The following METTL21A variants were observed in gnomAD, a reference collection of about 807,000 sequenced individuals.
METTL21A encodes the protein protein N-lysine methyltransferase METTL21A.
In METTL21A, 22 loss-of-function variants were observed where a neutral mutation model predicts 20.9. The ratio of observed to expected loss-of-function variants is 1.05; its 90% confidence interval spans 0.75 to 1.50. METTL21A has a LOEUF of 1.50. Among genes scored for constraint, METTL21A ranks in the 40% most tolerant of loss-of-function variants. The pLI, the probability that METTL21A is intolerant of heterozygous loss-of-function variation, is 0.00. For synonymous variants in METTL21A, 93 were observed against 102.0 expected (o/e 0.91, Z 0.53); for missense variants, 271 against 266.8 (o/e 1.02, Z -0.11).
At chr2:207,593,605 T>C (rs183434840) in intron 3 of METTL21A, among the ~76,000 whole-genome samples, 1 of 152,310 alleles carries the variant, frequency 6.6e-6, no homozygotes, top group Admixed American at 6.5e-5. Context: ...TCAATGGAAT[T>C]ACAATGTACT....
At chr2:207,588,327 T>G (rs377307767) in intron 3 of METTL21A, among the ~76,000 whole-genome samples, 6 of 152,226 alleles carry the variant, frequency 3.9e-5, no homozygotes, top group African/African-American at 1.4e-4. Context: ...CCCTTGCTCT[T>G]TTTTTCAAAA....
exon 4 of METTL21A, chr2:207,612,933 C>T: frequency 2.7e-6 from 3 of 1,131,710 alleles, no homozygotes; most frequent in Middle Eastern, 2.8e-4. Context: ...CCCCTGAGAA[C>T]CTTTGGCTTA....
downstream of METTL21A, chr2:207,609,574 A>C (rs1251761382): frequency 1.3e-5 from 2 of 152,208 alleles, no homozygotes; most frequent in Non-Finnish European, 2.9e-5. Flanking sequence ...ATGAGCAATT[A>C]CAAGTCCAAT....
chr2:207,624,917 T>C (rs1559137013), intron 1 of METTL21A, 145 bp downstream of exon 1: 1 of 152,246 alleles, frequency 6.6e-6, no homozygotes, highest in Non-Finnish European at 1.5e-5. Context: ...TGTTAGCGGT[T>C]TGATAAACCA....
At chr2:207,599,611 G>T (rs1371362789) in intron 3 of METTL21A, 1 of 199,400 alleles carries the variant, frequency 5.0e-6, no homozygotes, top group Non-Finnish European at 1.0e-5. Context: ...AATGTATCCT[G>T]TTGCTAAATC....
At position 207,586,086 on chromosome 2, in the gene METTL21A, A is replaced by G. The variant is rs564325530; in HGVS notation, c.260-3926T>C. On this transcript the variant is annotated intron_variant, in intron 3 of 3. Coordinates refer to the METTL21A transcript ENST00000425132. ...ACACTATTTTCAAACTCAAAAGTCA[A>G]AAACAAAGAAAAAATTCTTATGGAA... Among the ~76,000 whole-genome samples, 5 of 152,354 alleles carry G rather than the reference A, an allele frequency of 3.3e-5. No individual in the cohort carries two copies. The East Asian group carries it at 9.6e-4, about 29-fold the overall frequency.
chr2:207,602,558 T>C (rs1336767634), intron 3 of METTL21A: 1 of 211,150 alleles, frequency 4.7e-6, no homozygotes, highest in African/African-American at 2.3e-5. Context: ...AGAGTAAATC[T>C]GAGTTAGCTT....
At chr2:207,584,810 C>T (rs1214564203) in intron 3 of METTL21A, among the ~76,000 whole-genome samples, 17 of 152,164 alleles carry the variant, frequency 1.1e-4, no homozygotes, top group Non-Finnish European at 2.5e-4. Flanking sequence ...TTTTCAGAGA[C>T]CTTTTTTCCA....
chr2:207,585,511 A>G (rs950189313), intron 3 of METTL21A, among the ~76,000 whole-genome samples: 1 of 152,240 alleles, frequency 6.6e-6, no homozygotes, highest in Admixed American at 6.5e-5. Context: ...AGGACACAAG[A>G]AACATAAAAT....
intron 3 of METTL21A, among the ~76,000 whole-genome samples, chr2:207,604,018 GCAA>G (rs757802268): frequency 6.6e-6 from 1 of 152,110 alleles, no homozygotes; most frequent in African/African-American, 2.4e-5. Context: ...TTTATTTTCT[GCAA>G]CAACGATTAC....
intron 3 of METTL21A, among the ~76,000 whole-genome samples, chr2:207,592,849 G>A (rs562772753): frequency 2.0e-5 from 3 of 148,998 alleles, no homozygotes; most frequent in East Asian, 4.0e-4. Context: ...GGAGGTGGAG[G>A]TTGCAGTGAG....
intron 3 of METTL21A, among the ~76,000 whole-genome samples, chr2:207,584,033 T>A (rs1271352560): frequency 2.6e-5 from 4 of 152,234 alleles, no homozygotes; most frequent in Non-Finnish European, 5.9e-5. Flanking sequence ...CCCAGATAAT[T>A]CCATTTTATA....
chr2:207,623,550 T>A (rs1253180918), intron 2 of METTL21A, among the ~76,000 whole-genome samples: 1 of 152,144 alleles, frequency 6.6e-6, no homozygotes, highest in Non-Finnish European at 1.5e-5. Flanking sequence ...CAATACTCTG[T>A]GAAATAAAGA....
At chr2:207,614,247 T>G (rs2089383436) in intron 3 of METTL21A, among the ~76,000 whole-genome samples, 1 of 152,080 alleles carries the variant, frequency 6.6e-6, no homozygotes, top group Non-Finnish European at 1.5e-5. Flanking sequence ...CAAATAATTT[T>G]TTTTAATTAA....
downstream of METTL21A, among the ~76,000 whole-genome samples, chr2:207,608,943 G>A (rs946466120): frequency 6.6e-6 from 1 of 152,168 alleles, no homozygotes; most frequent in Non-Finnish European, 1.5e-5. Context: ...ATACCTAAGT[G>A]GGACTGGCTT....
exon 4 of METTL21A, chr2:207,581,814 T>G: frequency 1.4e-6 from 1 of 700,760 alleles, no homozygotes; most frequent in Non-Finnish European, 2.6e-6. Context: ...TTGGGTACCA[T>G]ATCGCATTTA....
chr2:207,582,883 T>A, intron 3 of METTL21A: 1 of 307,494 alleles, frequency 3.3e-6, no homozygotes, highest in South Asian at 2.7e-5. Context: ...AGAGTGAGAC[T>A]CTGTCTCAAA....
chr2:207,612,989 CAGTCTA>C (rs2089168136), exon 4 of METTL21A: 1 of 1,455,138 alleles, frequency 6.9e-7, no homozygotes, highest in African/African-American at 1.4e-5. Flanking sequence ...GTTAGATTTG[CAGTCTA>C]AGACCTTAAG....
At chr2:207,581,371 G>A (rs764922219), downstream of METTL21A, 25 of 200,242 alleles carry the variant, frequency 1.2e-4, no homozygotes, top group Non-Finnish European at 1.8e-4. Flanking sequence ...AAATAAAGGT[G>A]TATTTTTATT....
Sources: gnomAD v4.1 joint callset for allele counts (sites outside exome capture counted in the v4.1 genomes callset) on GRCh38, gnomAD v4.1.1 for gene constraint, MANE v1.5 for transcripts, NCBI Gene and HGNC (gene_info 2026-07-23, HGNC 2026-07-21) for gene names.